Variants in STMN4 observed in about 807,000 individuals in gnomAD.
STMN4 encodes stathmin-4.
A neutral mutation model predicts 29.1 loss-of-function variants in STMN4; 12 were observed. The ratio of observed to expected loss-of-function variants is 0.41; its 90% CI spans 0.26 to 0.67. STMN4 has a LOEUF of 0.67. STMN4 is among the 30% of genes least tolerant of loss of function. STMN4 has a pLI of 0.30. For synonymous variants in STMN4, 114 were observed against 105.3 expected, an observed-to-expected ratio of 1.08 and a Z score of -0.51; for missense variants, 181 against 262.8, an observed-to-expected ratio of 0.69 and a Z score of 2.15.
At chr8:27,240,734 T>G (rs1444924140) in intron 5 of STMN4, among the ~76,000 whole-genome samples, 1 of 152,176 alleles carries the variant, frequency 6.6e-6, no homozygotes, top group Non-Finnish European at 1.5e-5. Context: ...GAAGAAGCTC[T>G]TTCCTTAATT....
intron 1 of STMN4, among the ~76,000 whole-genome samples, chr8:27,245,093 TG>T (rs1280570558): frequency 6.6e-6 from 1 of 152,170 alleles, no homozygotes; most frequent in African/African-American, 2.4e-5. Context: ...TAGACCAGTG[TG>T]GGGTCAAATA....
intron 6 of STMN4, chr8:27,239,670 T>C: frequency 7.0e-7 from 1 of 1,420,836 alleles, no homozygotes; most frequent in South Asian, 1.5e-5. Flanking sequence ...CTCTACTCCT[T>C]TGTATTAGAC....
In STMN4 at chr8:27,236,079, AT is replaced by A. The variant is rs2130026564; in HGVS notation, c.*766del. 6.6e-6 allele frequency: 1 copy of A among 152,312 alleles called. No homozygotes were observed. The highest frequency in any genetic ancestry group is 6.5e-5 in the Admixed American group (1 of 15,298). The allele number at this position is 152,312 out of a possible 1,614,324, so 9.4% of individuals were successfully genotyped here. A position where few individuals can be genotyped will look rare whatever the true frequency, so the allele number is the denominator to read the frequency against. On this transcript the variant is annotated 3_prime_UTR_variant, in exon 7 of 7. Transcript: ENST00000350889. ...ATTTAGTGCATGCTATCCAATAAAGATTAGCCCACAGAGGGGATTTTAAAAA... is the reference window on the plus strand; with the variant it reads ...ATTTAGTGCATGCTATCCAATAAAGATAGCCCACAGAGGGGATTTTAAAAA...
At chr8:27,245,311 C>A (rs917012515) in intron 1 of STMN4, among the ~76,000 whole-genome samples, 2 of 152,226 alleles carry the variant, frequency 1.3e-5, no homozygotes, top group African/African-American at 2.4e-5. Context: ...ACCTCTGGAC[C>A]CACAAGTAAG....
rs1801502523 is a variant in STMN4, at chr8:27,242,424, G to A, written c.82C>T (p.Leu28=). Residue 28 remains leucine (L), a synonymous_variant, in exon 3 of 7, where the codon CTG becomes TTG. Transcript: ENST00000350889. ...LFCSCFLADP[L]NKSSYKYEGW... ...TCATATTTGTAGGACGACTTATTCA[G>A]GGGATCGGCCAGGAAGCAGGAGCAG... 1.2e-6 allele frequency: 2 copies of A among 1,614,084 alleles called. No homozygotes were observed. The highest frequency in any genetic ancestry group is 1.7e-6 in the Non-Finnish European group (2 of 1,180,030).
intron 6 of STMN4, among the ~76,000 whole-genome samples, chr8:27,237,645 C>A (rs956218629): frequency 6.6e-6 from 1 of 152,196 alleles, no homozygotes; most frequent in Non-Finnish European, 1.5e-5. Flanking sequence ...TATAAGAGAA[C>A]CTTCTTTTAT....
At chr8:27,241,906 C>T in intron 3 of STMN4, 149 bp from the exon 4 acceptor site, 1 of 834,210 alleles carries the variant, frequency 1.2e-6, no homozygotes, top group South Asian at 1.6e-5. Flanking sequence ...CCCAGTGCTC[C>T]CTGCTGGTGT....
At chr8:27,239,755 T>C (rs1198795995) in intron 6 of STMN4, 12 of 1,501,448 alleles carry the variant, frequency 8.0e-6, no homozygotes, top group Admixed American at 4.4e-5. Flanking sequence ...CTGTGCAGAA[T>C]ATCCCCCAAG....
intron 1 of STMN4, among the ~76,000 whole-genome samples, chr8:27,252,994 T>C (rs1801836052): frequency 6.6e-6 from 1 of 152,240 alleles, no homozygotes; most frequent in Non-Finnish European, 1.5e-5. Flanking sequence ...CTAAATTAAC[T>C]CATTTTCATA....
At chr8:27,252,792 C>T (rs1280713546) in intron 1 of STMN4, among the ~76,000 whole-genome samples, 3 of 152,190 alleles carry the variant, frequency 2.0e-5, no homozygotes, top group African/African-American at 7.2e-5. Flanking sequence ...ATATCCAAGA[C>T]TACCCTAGAT....
intron 1 of STMN4, among the ~76,000 whole-genome samples, chr8:27,252,158 GC>G (rs1327386513): frequency 2.0e-5 from 3 of 151,870 alleles, no homozygotes; most frequent in Non-Finnish European, 4.4e-5. Context: ...TTTTATGGCT[GC>G]ATAGTATTCC....
chr8:27,246,761 G>A (rs73563920), intron 1 of STMN4, among the ~76,000 whole-genome samples: 1,525 of 152,288 alleles, frequency 0.01, 16 homozygotes, highest in Middle Eastern at 0.054. Flanking sequence ...GACAAGGACA[G>A]ATCCTCCCCT....
chr8:27,245,810 T>G lies in STMN4; in HGVS notation c.-78-2009A>C, dbSNP rs376544049. Among the ~76,000 whole-genome samples the G allele has an allele frequency of 6.6e-5, 10 of 152,250 alleles. No individual in the cohort carries two copies. The East Asian group carries it at 7.7e-4, about 12-fold the overall frequency. Reference sequence around the variant, plus strand: ...TGGAGTAGGAGCAGGCAGTTGGAGTTATGGAATGTGCCTCCAGCCCGAGCT... The same window carrying G: ...TGGAGTAGGAGCAGGCAGTTGGAGTGATGGAATGTGCCTCCAGCCCGAGCT... On this transcript the variant is annotated intron_variant, in intron 1 of 6. Transcript: ENST00000350889.
chr8:27,247,003 CAG>C (rs1333997146), intron 1 of STMN4, among the ~76,000 whole-genome samples: 1 of 152,120 alleles, frequency 6.6e-6, no homozygotes, highest in Non-Finnish European at 1.5e-5. Flanking sequence ...GCTGTAATCC[CAG>C]CACTTTGGGA....
At chr8:27,249,114 A>C (rs1315008187) in intron 1 of STMN4, among the ~76,000 whole-genome samples, 1 of 152,234 alleles carries the variant, frequency 6.6e-6, no homozygotes, top group African/African-American at 2.4e-5. Context: ...GCACAGAGCC[A>C]GCCGTAAGGA....
chr8:27,239,841 C>T, intron 6 of STMN4, 130 bp downstream of exon 6: 2 of 1,556,130 alleles, frequency 1.3e-6, no homozygotes, highest in Non-Finnish European at 1.7e-6. Context: ...AAGATCCTGC[C>T]TAAGAAAAAG....
chr8:27,237,175 G>A (rs186250400), intron 6 of STMN4, among the ~76,000 whole-genome samples: 5 of 152,196 alleles, frequency 3.3e-5, no homozygotes, highest in Admixed American at 2.6e-4. Context: ...CATGGGCCAC[G>A]CAGCCTCCCC....
chr8:27,242,165 C>A, intron 3 of STMN4: 3 of 584,986 alleles, frequency 5.1e-6, no homozygotes, highest in Non-Finnish European at 9.1e-6. Flanking sequence ...GTGACAAGAT[C>A]GAGTGCACTC....
rs994367169 is a variant in STMN4 at position 27,236,059 on chromosome 8, G to C, written c.*787C>G. On this transcript the variant is annotated 3_prime_UTR_variant, in exon 7 of 7. Coordinates refer to ENST00000350889, the MANE Select transcript of STMN4 (RefSeq NM_030795.4). ...TTGAGTTTCTTTTCTCATCAATTTA[G>C]TGCATGCTATCCAATAAAGATTAGC... The C allele has an allele frequency of 1.3e-5, 2 of 152,136 alleles. No homozygotes were observed. The highest frequency in any genetic ancestry group is 2.9e-5 in the Non-Finnish European group (2 of 68,026). 9.4% of individuals were successfully genotyped at this position (152,136 alleles called of 1,614,324 possible). A position where few individuals can be genotyped will look rare whatever the true frequency, so the allele number is the denominator to read the frequency against.
Sources: allele counts gnomAD v4.1 joint callset (sites outside exome capture counted in the v4.1 genomes callset), GRCh38; gene constraint gnomAD v4.1.1; transcripts MANE v1.5; gene names NCBI Gene and HGNC (gene_info 2026-07-23, HGNC 2026-07-21).